Variants in HELLS observed in about 807,000 individuals in gnomAD.
HELLS encodes the protein lymphoid-specific helicase.
A neutral mutation model predicts 120.0 loss-of-function variants in HELLS; 32 were observed. The observed-to-expected ratio is 0.27, with a 90% CI of 0.20 to 0.36. The LOEUF is 0.36. Among genes scored for constraint, HELLS ranks in the 10% least tolerant of loss-of-function variants. HELLS has a pLI of 1.00. For synonymous variants in HELLS, 341 were observed against 323.4 expected, an observed-to-expected ratio of 1.05 and a Z score of -0.58; for missense variants, 650 against 993.4, an observed-to-expected ratio of 0.65 and a Z score of 4.65.
chr10:94,560,428 C>T (rs1420175583), intron 4 of HELLS, among the ~76,000 whole-genome samples: 1 of 152,164 alleles, frequency 6.6e-6, no homozygotes, highest in African/African-American at 2.4e-5. Context: ...GGTGTGGTGG[C>T]TCACGCCTAT....
At chr10:94,578,825 A>G (rs1015194305) in intron 10 of HELLS, among the ~76,000 whole-genome samples, 19 of 152,326 alleles carry the variant, frequency 1.2e-4, no homozygotes, top group South Asian at 4.1e-4. Flanking sequence ...CACAACCCAG[A>G]CAACCCAGAT....
intron 4 of HELLS, among the ~76,000 whole-genome samples, chr10:94,559,444 T>G (rs1843439276): frequency 6.6e-6 from 1 of 151,382 alleles, no homozygotes; most frequent in African/African-American, 2.4e-5. Context: ...TTATTTTATT[T>G]TATTTTATTT....
At chr10:94,549,247 A>T (rs1054646798) in intron 2 of HELLS, among the ~76,000 whole-genome samples, 3 of 152,298 alleles carry the variant, frequency 2.0e-5, no homozygotes, top group South Asian at 2.1e-4. Flanking sequence ...AACTATGCAC[A>T]GGTAGAGATT....
At chr10:94,566,243 AC>A (rs1317576905) in intron 6 of HELLS, among the ~76,000 whole-genome samples, 1 of 152,130 alleles carries the variant, frequency 6.6e-6, no homozygotes, top group Non-Finnish European at 1.5e-5. Context: ...CAGTTCCTGA[AC>A]CTTTTCATCT....
At chr10:94,546,931 G>A (rs937777261) in intron 2 of HELLS, among the ~76,000 whole-genome samples, 5 of 152,166 alleles carry the variant, frequency 3.3e-5, no homozygotes, top group African/African-American at 1.2e-4. Context: ...CAAAGGCTGG[G>A]CTGGAATCCA....
intron 6 of HELLS, among the ~76,000 whole-genome samples, chr10:94,565,596 A>T (rs1222113018): frequency 6.6e-6 from 1 of 151,608 alleles, no homozygotes; most frequent in Non-Finnish European, 1.5e-5. Flanking sequence ...AGGCTGAGGC[A>T]GGAGAATTGC....
chr10:94,573,813 C>G (rs1844302602), intron 7 of HELLS, 147 bp from the exon 8 acceptor site: 1 of 531,202 alleles, frequency 1.9e-6, no homozygotes, highest in South Asian at 2.9e-5. Context: ...GGCGATGTCT[C>G]CAGTTTTTTA....
chr10:94,569,372 C>G (rs1302271932), intron 6 of HELLS: 1 of 151,026 alleles, frequency 6.6e-6, no homozygotes, highest in African/African-American at 2.4e-5. Flanking sequence ...TTAGTAGAGA[C>G]AGGGTTTCAC....
exon 10 of HELLS, chr10:94,609,990 T>G (rs919710178): frequency 6.6e-6 from 1 of 152,226 alleles, no homozygotes. Context: ...ACTCTGAGAT[T>G]AAATTCATCA....
intron 4 of HELLS, among the ~76,000 whole-genome samples, chr10:94,559,245 CT>C (rs1197678315): frequency 1.3e-5 from 2 of 151,994 alleles, no homozygotes; most frequent in Non-Finnish European, 2.9e-5. Context: ...AGCACCATAA[CT>C]TTTGCGTTTT....
intron 6 of HELLS, among the ~76,000 whole-genome samples, chr10:94,567,913 T>G (rs200800753): frequency 0.37 from 53,673 of 143,458 alleles, 10,245 homozygotes; most frequent in East Asian, 0.67. Context: ...TGGTTTTTTT[T>G]TTTTTTTTTT....
At chr10:94,575,754 TGG>T (rs71031587) in intron 9 of HELLS, among the ~76,000 whole-genome samples, 79,482 of 131,324 alleles carry the variant, frequency 0.61, 23,826 homozygotes, top group Middle Eastern at 0.71. Context: ...GGTTTTTTGT[TGG>T]GGGGGGGGTT....
Position 94,576,740 on chromosome 10 carries a change from T to TG in HELLS, c.967_968insG (p.Leu323CysfsTer12). ...AAATATTTACAAACGGAAAGGGACTTTGCAGATTCATCCTGTGGTAATCAC... is the reference window on the plus strand; with the variant it reads ...AAATATTTACAAACGGAAAGGGACTTGTGCAGATTCATCCTGTGGTAATCAC... On this transcript the variant is annotated frameshift_variant, in exon 10 of 22. Coordinates refer to ENST00000348459, the MANE Select transcript of HELLS (RefSeq NM_018063.5). LOFTEE classifies it high-confidence loss of function. 6.2e-7 allele frequency: 1 copy of TG among 1,612,264 alleles called. No homozygotes were observed. The highest frequency in any genetic ancestry group is 8.5e-7 in the Non-Finnish European group (1 of 1,178,622).
chr10:94,613,765 T>A (rs1265034964), exon 10 of HELLS: 1 of 152,120 alleles, frequency 6.6e-6, no homozygotes, highest in African/African-American at 2.4e-5. Flanking sequence ...GAGTATATTG[T>A]TGCATCTTTG....
chr10:94,558,077 A>T, intron 3 of HELLS, 62 bp from the exon 4 acceptor site: 1 of 1,520,762 alleles, frequency 6.6e-7, no homozygotes, highest in South Asian at 1.3e-5. Context: ...GAGAATTGAT[A>T]TGCGTTTTTT....
At position 94,589,908 on chromosome 10, in the gene HELLS, C is replaced by T. The variant is rs572846339; in HGVS notation, c.1489-505C>T. On this transcript the variant is annotated intron_variant, in intron 13 of 21. Coordinates refer to ENST00000348459, the MANE Select transcript of HELLS (RefSeq NM_018063.5). ...TTCACCATGGTAGCCAGGATGGTCT[C>T]GATCTTCTGACCTTGTGATCTGCCC... is the stretch of plus-strand genomic sequence containing the variant. Among the ~76,000 whole-genome samples, 27 of 152,040 alleles carry T rather than the reference C, an allele frequency of 1.8e-4. No individual in the cohort carries two copies. The South Asian group carries it at 3.7e-3, about 21-fold the overall frequency.
intron 6 of HELLS, among the ~76,000 whole-genome samples, chr10:94,569,003 G>A (rs1333327974): frequency 6.6e-6 from 1 of 151,630 alleles, no homozygotes; most frequent in Non-Finnish European, 1.5e-5. Context: ...CATCATGCTC[G>A]GCTAATTTTT....
At chr10:94,588,982 T>G (rs898275230) in intron 13 of HELLS, among the ~76,000 whole-genome samples, 3 of 152,038 alleles carry the variant, frequency 2.0e-5, no homozygotes, top group South Asian at 2.1e-4. Context: ...ACCCTGTCTC[T>G]ACTAAAAACA....
At chr10:94,598,676 CT>C (rs1452077425) in intron 21 of HELLS, among the ~76,000 whole-genome samples, 1 of 148,898 alleles carries the variant, frequency 6.7e-6, no homozygotes, top group African/African-American at 2.5e-5. Context: ...TGTCTCTTCA[CT>C]TACTTACTTA....
Sources: allele counts gnomAD v4.1 joint callset (sites outside exome capture counted in the v4.1 genomes callset), GRCh38; gene constraint gnomAD v4.1.1; transcripts MANE v1.5; gene names NCBI Gene and HGNC (gene_info 2026-07-23, HGNC 2026-07-21).